RALGAPB: variants seen among roughly 807,000 people sequenced by gnomAD.
RALGAPB encodes Ral GTPase activating protein non-catalytic subunit beta.
A neutral mutation model predicts 161.1 loss-of-function variants in RALGAPB; 25 were observed. The observed-to-expected ratio is 0.16, with a 90% CI of 0.11 to 0.22. The LOEUF (loss-of-function observed/expected upper bound fraction) is 0.22, where lower values mean the gene tolerates loss of function less well. Ranked by LOEUF, RALGAPB falls within the 10% of genes least tolerant of loss-of-function variation. The pLI, the probability that RALGAPB is intolerant of heterozygous loss-of-function variation, is 1.00. For synonymous variants in RALGAPB, 629 were observed against 626.1 expected (o/e 1.00, Z -0.07); for missense variants, 1,391 against 1,815.2 (o/e 0.77, Z 4.25).
chr20:38,541,765 T>A (rs1446681489), intron 18 of RALGAPB, among the ~76,000 whole-genome samples: 2 of 152,066 alleles, frequency 1.3e-5, no homozygotes, highest in Non-Finnish European at 2.9e-5. Context: ...AAAAGAGGTA[T>A]AAATAAAATG....
chr20:38,526,802 CAG>C (rs1278339131), intron 13 of RALGAPB, among the ~76,000 whole-genome samples: 1 of 152,186 alleles, frequency 6.6e-6, no homozygotes, highest in Non-Finnish European at 1.5e-5. Context: ...TGAAAATCTT[CAG>C]AGAGACCCTG....
chr20:38,525,282 G>A (rs1477421844), intron 11 of RALGAPB, 122 bp from the exon 12 acceptor site: 1 of 727,082 alleles, frequency 1.4e-6, no homozygotes, highest in Non-Finnish European at 2.4e-6. Flanking sequence ...GTTTAACTTA[G>A]AAATATACAA....
At chr20:38,523,839 T>C (rs2086372164) in intron 10 of RALGAPB, among the ~76,000 whole-genome samples, 1 of 152,090 alleles carries the variant, frequency 6.6e-6, no homozygotes, top group South Asian at 2.1e-4. Flanking sequence ...GTCATAGAAA[T>C]CAGGGAAGAG....
At chr20:38,559,155 CA>C (rs2087700209) in intron 23 of RALGAPB, among the ~76,000 whole-genome samples, 1 of 152,078 alleles carries the variant, frequency 6.6e-6, no homozygotes, top group Non-Finnish European at 1.5e-5. Context: ...ATTCACAAGA[CA>C]AAAGAAACTG....
chr20:38,549,468 A>G (rs997573166), intron 20 of RALGAPB, among the ~76,000 whole-genome samples: 4 of 150,694 alleles, frequency 2.7e-5, no homozygotes, highest in African/African-American at 9.8e-5. Flanking sequence ...TCTTCAAGTG[A>G]TCTTCCCACC....
chr20:38,524,705 A>G, intron 10 of RALGAPB, 73 bp from the exon 11 acceptor site: 1 of 1,170,806 alleles, frequency 8.5e-7, no homozygotes. Context: ...CTTTCAGTTA[A>G]CTATGTAGCA....
At chr20:38,563,978 C>A (rs866238579) in intron 24 of RALGAPB, among the ~76,000 whole-genome samples, 2 of 152,104 alleles carry the variant, frequency 1.3e-5, no homozygotes, top group African/African-American at 4.8e-5. Context: ...CCCTACTCCC[C>A]GAATCCGGAA....
At chr20:38,503,255 A>G (rs2085649482) in intron 5 of RALGAPB, among the ~76,000 whole-genome samples, 1 of 152,234 alleles carries the variant, frequency 6.6e-6, no homozygotes, top group African/African-American at 2.4e-5. Context: ...TTAGTAGTTA[A>G]GTTTTGAGGG....
chr20:38,566,906 C>G (rs1419742635), intron 25 of RALGAPB, among the ~76,000 whole-genome samples, 190 bp from the exon 26 acceptor site: 1 of 152,216 alleles, frequency 6.6e-6, no homozygotes, highest in Non-Finnish European at 1.5e-5. Context: ...TGCGAGAGAT[C>G]TGTATAGCCA....
intron 15 of RALGAPB, chr20:38,534,279 C>T (rs1374867388): frequency 6.6e-6 from 1 of 152,238 alleles, no homozygotes; most frequent in Non-Finnish European, 1.5e-5. Context: ...CTTGTAATGT[C>T]GTAAAATATT....
intron 1 of RALGAPB, among the ~76,000 whole-genome samples, chr20:38,487,442 C>G (rs912415608): frequency 3.9e-5 from 6 of 152,108 alleles, no homozygotes; most frequent in East Asian, 1.9e-4. Context: ...GAACTTAAAT[C>G]ATTATGGGTT....
chr20:38,478,695 C>T (rs1241421018), intron 1 of RALGAPB, among the ~76,000 whole-genome samples: 2 of 152,168 alleles, frequency 1.3e-5, no homozygotes, highest in Admixed American at 1.3e-4. Flanking sequence ...CGGCTCACCG[C>T]AGCCTCCACC....
intron 4 of RALGAPB, 132 bp from the exon 5 acceptor site, chr20:38,499,315 A>G (rs1453967160): frequency 2.3e-6 from 2 of 861,056 alleles, no homozygotes; most frequent in Non-Finnish European, 3.5e-6. Context: ...TTACTATTAA[A>G]TGATTATTTG....
intron 5 of RALGAPB, among the ~76,000 whole-genome samples, chr20:38,508,168 C>T (rs6015237): frequency 0.22 from 33,119 of 151,432 alleles, 8,971 homozygotes; most frequent in African/African-American, 0.65. Flanking sequence ...AAGTAATATG[C>T]AATGTGTATA....
At chr20:38,539,670 G>A (rs986387649) in intron 16 of RALGAPB, 106 bp from the exon 17 acceptor site, 1 of 989,766 alleles carries the variant, frequency 1.0e-6, no homozygotes. Flanking sequence ...AAGGCTTCCT[G>A]TAGTGTATGA....
chr20:38,570,464 A>T (rs918140301), intron 27 of RALGAPB, among the ~76,000 whole-genome samples: 2 of 152,226 alleles, frequency 1.3e-5, no homozygotes, highest in African/African-American at 2.4e-5. Context: ...TTAGAAATAT[A>T]TACTTGCCTA....
At chr20:38,492,242 A>G (rs1348438498) in intron 2 of RALGAPB, among the ~76,000 whole-genome samples, 3 of 152,152 alleles carry the variant, frequency 2.0e-5, no homozygotes, top group Admixed American at 6.6e-5. Flanking sequence ...AATCTCTACA[A>G]TTACGACTGC....
intron 25 of RALGAPB, among the ~76,000 whole-genome samples, chr20:38,565,704 A>G (rs1310124114): frequency 2.6e-5 from 4 of 152,188 alleles, no homozygotes; most frequent in Admixed American, 2.6e-4. Flanking sequence ...TAGTGAAGGA[A>G]TCCCATTTCA....
rs879640094 is a variant in RALGAPB at position 38,516,226 on chromosome 20, A to G, written c.907A>G (p.Ser303Gly). Residue 303 changes from serine (S) to glycine (G), a missense_variant, in exon 7 of 30, where the codon AGC (serine) becomes GGC (glycine). Around this residue, in one of 3 missense-constraint regions of RALGAPB, gnomAD observed 946 missense variants for 1,257.2 expected, o/e 0.75. Coordinates refer to ENST00000262879, the MANE Select transcript of RALGAPB (RefSeq NM_020336.4). ...GGATTTGAGTAACCCAGCTATTATA[A>G]GCTCTACTCCCAAATTTCAGGAACA... is the stretch of plus-strand genomic sequence containing the variant. ...PVDLSNPAII[S>G]STPKFQEQFL... is the part of the protein sequence containing the mutation. 1 of 1,611,658 alleles carries G rather than the reference A, an allele frequency of 6.2e-7. No individual in the cohort carries two copies. Among genetic ancestry groups the G allele is most frequent in the Non-Finnish European group, 8.5e-7 (1 of 1,178,518 alleles).
Sources: gnomAD v4.1 joint callset for allele counts (sites outside exome capture counted in the v4.1 genomes callset) on GRCh38, gnomAD v4.1.1 for gene constraint, gnomAD v4.1.1 regional missense constraint, MANE v1.5 for transcripts, NCBI Gene and HGNC (gene_info 2026-07-23, HGNC 2026-07-21) for gene names.